IGFBP7: variants seen among roughly 807,000 people sequenced by gnomAD.
IGFBP7 encodes the protein insulin like growth factor binding protein 7.
In IGFBP7, 31 loss-of-function variants were observed where a neutral mutation model predicts 29.4. The observed-to-expected ratio is 1.05, with a 90% CI of 0.79 to 1.42. The LOEUF (loss-of-function observed/expected upper bound fraction) is 1.42, where lower values mean the gene tolerates loss of function less well. Among genes scored for constraint, IGFBP7 ranks in the 40% most tolerant of loss-of-function variants. The pLI, the probability that IGFBP7 is intolerant of heterozygous loss-of-function variation, is 0.00. For missense variants in IGFBP7, 393 were observed against 395.5 expected, an observed-to-expected ratio of 0.99 and a Z score of 0.05; for synonymous variants, 172 against 174.9, an observed-to-expected ratio of 0.98 and a Z score of 0.13.
At chr4:57,064,739 T>C (rs1724878323) in intron 1 of IGFBP7, among the ~76,000 whole-genome samples, 1 of 152,316 alleles carries the variant, frequency 6.6e-6, no homozygotes, top group Non-Finnish European at 1.5e-5. Context: ...CTTGACCAAA[T>C]CTCTTATATA....
chr4:57,032,291 A>G, intron 4 of IGFBP7, 135 bp downstream of exon 4: 1 of 1,454,106 alleles, frequency 6.9e-7, no homozygotes, highest in Non-Finnish European at 9.0e-7. Flanking sequence ...TTTTAATGGC[A>G]TACTTAATGC....
rs998616658 is a variant in IGFBP7 at position 57,033,232 on chromosome 4, C to T, written c.665G>A (p.Gly222Asp). 8.1e-6 allele frequency: 13 copies of T among 1,613,966 alleles called. No individual in the cohort carries two copies. Among genetic ancestry groups the T allele is most frequent in the East Asian group, 2.2e-5 (1 of 44,876 alleles). ...AGTTACTTCATGCTTTTCTGGGCCA[C>T]CCCGGGTCTGAATGGCCAGGTTGTC... is the stretch of plus-strand genomic sequence containing the variant. ...DRDNLAIQTR[G>D]GPEKHEVTGW... Residue 222 changes from glycine to aspartate, a missense_variant, in exon 3 of 5, where the codon GGT becomes GAT. By Grantham distance (94) the Gly-to-Asp change is moderately conservative. Transcript: ENST00000295666.
chr4:57,059,009 G>C (rs1724735749), intron 1 of IGFBP7, among the ~76,000 whole-genome samples: 1 of 152,116 alleles, frequency 6.6e-6, no homozygotes, highest in Admixed American at 6.5e-5. Flanking sequence ...CAACATCACT[G>C]ATCATTAGAG....
chr4:57,095,433 C>T (rs990185563), intron 1 of IGFBP7, among the ~76,000 whole-genome samples: 1 of 152,184 alleles, frequency 6.6e-6, no homozygotes, highest in African/African-American at 2.4e-5. Context: ...TCCTCTGCTA[C>T]TGTTTAACTG....
intron 1 of IGFBP7, among the ~76,000 whole-genome samples, chr4:57,044,119 A>G (rs11573106): frequency 0.11 from 16,586 of 152,198 alleles, 1,045 homozygotes; most frequent in East Asian, 0.28. Context: ...AAACCACACA[A>G]GGAATGCAAG....
chr4:57,093,561 A>G (rs1725689151), intron 1 of IGFBP7, among the ~76,000 whole-genome samples: 1 of 152,140 alleles, frequency 6.6e-6, no homozygotes, highest in African/African-American at 2.4e-5. Flanking sequence ...AACTTCTGAC[A>G]ATTGTTAGAG....
intron 1 of IGFBP7, among the ~76,000 whole-genome samples, chr4:57,105,680 C>T (rs1001311787): frequency 6.6e-6 from 1 of 152,182 alleles, no homozygotes; most frequent in African/African-American, 2.4e-5. Context: ...TCAAGATTCA[C>T]ACCAAGGGAG....
chr4:57,047,916 T>A (rs991333520), intron 1 of IGFBP7, among the ~76,000 whole-genome samples: 1 of 152,142 alleles, frequency 6.6e-6, no homozygotes, highest in Non-Finnish European at 1.5e-5. Flanking sequence ...TGTATTTTTT[T>A]AGATATGGGG....
intron 1 of IGFBP7, among the ~76,000 whole-genome samples, chr4:57,095,110 G>A (rs188029267): frequency 6.6e-6 from 1 of 152,364 alleles, no homozygotes; most frequent in East Asian, 1.9e-4. Context: ...TGAGCAAGCA[G>A]GCTGTGATAT....
chr4:57,062,416 G>A (rs1724820888), intron 1 of IGFBP7, among the ~76,000 whole-genome samples: 1 of 152,208 alleles, frequency 6.6e-6, no homozygotes, highest in South Asian at 2.1e-4. Flanking sequence ...TCATAAACCG[G>A]TGTCATGGCT....
chr4:57,088,697 T>TGTCCCCA (rs1725558055), intron 1 of IGFBP7, among the ~76,000 whole-genome samples: 1 of 152,066 alleles, frequency 6.6e-6, no homozygotes, highest in Non-Finnish European at 1.5e-5. Context: ...TAAGCAATAT[T>TGTCCCCA]GTCCCCACTT....
chr4:57,074,067 C>CTTT (rs201439856), intron 1 of IGFBP7, among the ~76,000 whole-genome samples: 10 of 148,210 alleles, frequency 6.7e-5, no homozygotes, highest in Non-Finnish European at 1.5e-4. Flanking sequence ...CTCTCTCTCT[C>CTTT]TTTTTTCTTT....
intron 1 of IGFBP7, among the ~76,000 whole-genome samples, chr4:57,104,445 C>T (rs1725972241): frequency 6.6e-6 from 1 of 152,124 alleles, no homozygotes; most frequent in African/African-American, 2.4e-5. Context: ...GACTTGCACT[C>T]CCCCAAGATA....
At position 57,110,252 on chromosome 4, in the gene IGFBP7, G is replaced by C. The variant is rs1455091140; in HGVS notation, c.100C>G (p.Pro34Ala). 1.4e-6 allele frequency: 2 copies of C among 1,412,912 alleles called. No individual in the cohort carries two copies. Among genetic ancestry groups the C allele is most frequent in the African/African-American group, 3.0e-5 (2 of 67,140 alleles). The allele number at this position is 1,412,912 out of a possible 1,614,324, so 87.5% of individuals were successfully genotyped here. ...SSSSSSDTCG[P>A]CEPASCPPLP... is the part of the protein sequence containing the mutation. ...GGCGGGCAGGAGGCCGGCTCGCAGG[G>C]GCCGCAGGTGTCCGAAGAGGAGGAA... Residue 34 changes from proline (P) to alanine (A), a missense_variant, in exon 1 of 5, where the codon CCC becomes GCC. By Grantham distance (27) the Pro-to-Ala change is conservative. Transcript: ENST00000295666.
chr4:57,048,691 A>T (rs1453469593), intron 1 of IGFBP7, among the ~76,000 whole-genome samples: 3 of 152,222 alleles, frequency 2.0e-5, no homozygotes, highest in Non-Finnish European at 2.9e-5. Flanking sequence ...AAAGCACAGC[A>T]GGAACAATAT....
At chr4:57,072,333 C>T (rs1011752596) in intron 1 of IGFBP7, among the ~76,000 whole-genome samples, 2 of 152,096 alleles carry the variant, frequency 1.3e-5, no homozygotes, top group Admixed American at 6.6e-5. Flanking sequence ...CGATCTCATT[C>T]TTTTTTATGG....
At chr4:57,031,436 T>TTAAA in intron 4 of IGFBP7, 100 bp from the exon 5 acceptor site, 1 of 843,476 alleles carries the variant, frequency 1.2e-6, no homozygotes, top group South Asian at 1.4e-5. Context: ...AATGAAGATG[T>TTAAA]TAAAATATGG....
At chr4:57,109,493 C>A (rs1035416040) in intron 1 of IGFBP7, among the ~76,000 whole-genome samples, 2 of 152,132 alleles carry the variant, frequency 1.3e-5, no homozygotes, top group Non-Finnish European at 2.9e-5. Context: ...TCCTTTCCCC[C>A]ATCTCTTGAC....
At chr4:57,076,266 C>T (rs907456088) in intron 1 of IGFBP7, among the ~76,000 whole-genome samples, 4 of 152,176 alleles carry the variant, frequency 2.6e-5, no homozygotes, top group African/African-American at 4.8e-5. Flanking sequence ...TTAAAGCTTC[C>T]ACAGAGAAAT....
Sources: gnomAD v4.1 joint callset for allele counts (sites outside exome capture counted in the v4.1 genomes callset) on GRCh38, gnomAD v4.1.1 for gene constraint, MANE v1.5 for transcripts, NCBI Gene and HGNC (gene_info 2026-07-23, HGNC 2026-07-21) for gene names.